CREB3L2: variants seen among roughly 807,000 people sequenced by gnomAD.
CREB3L2 encodes the protein cyclic AMP-responsive element-binding protein 3-like protein 2.
A neutral mutation model predicts 57.2 loss-of-function variants in CREB3L2; 23 were observed. The ratio of observed to expected loss-of-function variants is 0.40; its 90% confidence interval spans 0.29 to 0.57. The LOEUF is 0.57. CREB3L2 is among the 20% of genes least tolerant of loss of function. CREB3L2 has a pLI of 0.42. For missense variants in CREB3L2, 628 were observed against 634.7 expected (o/e 0.99, Z 0.11); for synonymous variants, 268 against 265.1 (o/e 1.01, Z -0.11).
chr7:137,902,580 G>T (rs921035786), intron 7 of CREB3L2, among the ~76,000 whole-genome samples: 1 of 152,094 alleles, frequency 6.6e-6, no homozygotes, highest in Non-Finnish European at 1.5e-5. Flanking sequence ...CGGTATTCAG[G>T]GGGGATTAGT....
intron 2 of CREB3L2, among the ~76,000 whole-genome samples, chr7:137,919,460 C>T (rs76613297): frequency 0.021 from 3,250 of 152,272 alleles, 33 homozygotes; most frequent in African/African-American, 0.038. Flanking sequence ...GTGTGAGCCA[C>T]CACACCCAGC....
rs1046722630 is a variant in CREB3L2, at chr7:138,002,061, G to C, written c.-356C>G. 2.7e-5 allele frequency: 8 copies of C among 294,538 alleles called. No individual in the cohort carries two copies. Among genetic ancestry groups the C allele is most frequent in the African/African-American group, 1.3e-4 (6 of 46,994 alleles). 18.2% of individuals were successfully genotyped at this position (294,538 alleles called of 1,614,324 possible). A position where few individuals can be genotyped will look rare whatever the true frequency, so the allele number is the denominator to read the frequency against. ...CGCTACGGCTCCAGACACAAACTTT[G>C]AGGGACCCCAGGGCTCCTCGGCTCT... On this transcript the variant is annotated 5_prime_UTR_variant, in exon 1 of 12. Transcript: ENST00000330387.
At chr7:137,924,860 C>G (rs140837114) in intron 2 of CREB3L2, among the ~76,000 whole-genome samples, 1 of 152,278 alleles carries the variant, frequency 6.6e-6, no homozygotes, top group Non-Finnish European at 1.5e-5. Flanking sequence ...TTTCAGAAGT[C>G]TACAAAGTCC....
rs145327149 is a variant in CREB3L2 at position 137,988,051 on chromosome 7, G to A, written c.102+13553C>T. Among the ~76,000 whole-genome samples, 196 of 152,310 alleles carry A rather than the reference G, an allele frequency of 1.3e-3. 1 individual carries two copies. The highest frequency in any genetic ancestry group is 4.4e-3 in the African/African-American group (183 of 41,552). ...TGCTCTGCTCTGGGCTGTGAAGGGTGGCCCTTTCCTCCCTGTGCAGTCTGA... is the reference window on the plus strand; with the variant it reads ...TGCTCTGCTCTGGGCTGTGAAGGGTAGCCCTTTCCTCCCTGTGCAGTCTGA... On this transcript the variant is annotated intron_variant, in intron 1 of 11. Transcript: ENST00000330387.
intron 2 of CREB3L2, among the ~76,000 whole-genome samples, chr7:137,922,279 T>G (rs543133204): frequency 1.3e-4 from 19 of 150,572 alleles, no homozygotes; most frequent in African/African-American, 4.2e-4. Context: ...TTTTCTGTGA[T>G]TCTGTGTTTA....
At chr7:137,891,184 T>A (rs1799522091) in intron 8 of CREB3L2, among the ~76,000 whole-genome samples, 1 of 152,230 alleles carries the variant, frequency 6.6e-6, no homozygotes, top group Non-Finnish European at 1.5e-5. Context: ...GCTATCCTCA[T>A]GCAGTTCCTT....
intron 1 of CREB3L2, among the ~76,000 whole-genome samples, chr7:137,951,979 G>A (rs2117272231): frequency 6.6e-6 from 1 of 152,302 alleles, no homozygotes; most frequent in African/African-American, 2.4e-5. Context: ...GACAGAGTGA[G>A]ACCTAGTCTT....
At chr7:137,900,600 TC>T (rs1563244571) in intron 8 of CREB3L2, among the ~76,000 whole-genome samples, 1 of 150,924 alleles carries the variant, frequency 6.6e-6, no homozygotes, top group Non-Finnish European at 1.5e-5. Flanking sequence ...ATTGAGACCA[TC>T]CTGGCCAACA....
intron 1 of CREB3L2, among the ~76,000 whole-genome samples, chr7:137,991,432 G>A (rs930435759): frequency 1.3e-4 from 20 of 151,898 alleles, no homozygotes; most frequent in Non-Finnish European, 2.9e-4. Context: ...CCAAAGTGCT[G>A]GGATTACAGG....
Position 137,905,960 on chromosome 7 carries a change from G to C in CREB3L2, c.769-112C>G, listed in dbSNP as rs894286005. 3 of 1,102,792 alleles carry C rather than the reference G, an allele frequency of 2.7e-6. No individual in the cohort carries two copies. The Admixed American group carries it at 7.4e-5, about 27-fold the overall frequency. 68.3% of individuals were successfully genotyped at this position (1,102,792 alleles called of 1,614,324 possible). A position where few individuals can be genotyped will look rare whatever the true frequency, so the allele number is the denominator to read the frequency against. ...GTTACAATGTCTTACAGAAGGCTCT[G>C]AGACAAGGATGCCCCATCTGCTTTG... is the stretch of plus-strand genomic sequence containing the variant. On this transcript the variant is annotated intron_variant, in intron 5 of 11. Transcript: ENST00000330387.
intron 6 of CREB3L2, among the ~76,000 whole-genome samples, chr7:137,904,443 A>C (rs1247572518): frequency 1.3e-5 from 2 of 152,204 alleles, no homozygotes; most frequent in Non-Finnish European, 2.9e-5. Context: ...AGGCGGGTAG[A>C]TCACCTGAGG....
chr7:137,895,716 C>G (rs900306926), intron 8 of CREB3L2, among the ~76,000 whole-genome samples: 1 of 150,488 alleles, frequency 6.6e-6, no homozygotes, highest in African/African-American at 2.4e-5. Flanking sequence ...TGGGTAGATG[C>G]GAAAGTCCCC....
intron 1 of CREB3L2, chr7:137,999,953 A>G (rs1802048966): frequency 6.6e-6 from 1 of 152,238 alleles, no homozygotes; most frequent in African/African-American, 2.4e-5. Context: ...GAAAGTGTGC[A>G]TAAGGTGTTA....
intron 4 of CREB3L2, 72 bp downstream of exon 4, chr7:137,912,919 C>T (rs1268865739): frequency 3.1e-6 from 5 of 1,592,284 alleles, no homozygotes; most frequent in African/African-American, 1.3e-5. Context: ...CCAGCTCTCT[C>T]GCCATATTCC....
At chr7:137,926,073 T>C (rs745817485) in intron 2 of CREB3L2, among the ~76,000 whole-genome samples, 1 of 152,150 alleles carries the variant, frequency 6.6e-6, no homozygotes, top group Non-Finnish European at 1.5e-5. Flanking sequence ...TTAAAAAGTC[T>C]GGAAACAACA....
chr7:137,895,442 C>T (rs1363108210), intron 8 of CREB3L2, among the ~76,000 whole-genome samples: 1 of 152,208 alleles, frequency 6.6e-6, no homozygotes, highest in Non-Finnish European at 1.5e-5. Context: ...CGGATCACCT[C>T]AGCAAAGGAA....
At chr7:137,926,000 T>C (rs757235557) in intron 2 of CREB3L2, among the ~76,000 whole-genome samples, 6 of 152,240 alleles carry the variant, frequency 3.9e-5, no homozygotes, top group Non-Finnish European at 7.3e-5. Context: ...CTGGGGGAAC[T>C]GAATGGTGAA....
intron 7 of CREB3L2, among the ~76,000 whole-genome samples, chr7:137,902,333 C>A (rs1799780593): frequency 6.6e-6 from 1 of 152,104 alleles, no homozygotes; most frequent in African/African-American, 2.4e-5. Flanking sequence ...GTTCTCAATG[C>A]CCATCATACT....
chr7:137,946,854 ATC>A (rs1444592447), intron 1 of CREB3L2, among the ~76,000 whole-genome samples: 44 of 59,088 alleles, frequency 7.4e-4, no homozygotes, highest in African/African-American at 2.5e-3. Context: ...CTATATAGTT[ATC>A]TATATAGTTA....
Sources: gnomAD v4.1 joint callset for allele counts (sites outside exome capture counted in the v4.1 genomes callset) on GRCh38, gnomAD v4.1.1 for gene constraint, MANE v1.5 for transcripts, NCBI Gene and HGNC (gene_info 2026-07-23, HGNC 2026-07-21) for gene names.